The following PAK5 variants were observed in gnomAD, a reference collection of about 807,000 sequenced individuals.
PAK5 encodes the protein p21 (RAC1) activated kinase 5, also known as serine/threonine-protein kinase PAK 5.
Under a neutral mutation model 65.9 loss-of-function variants are expected in PAK5, and 16 were observed. The ratio of observed to expected loss-of-function variants is 0.24; its 90% CI spans 0.16 to 0.37. The LOEUF is 0.37. PAK5 is among the 10% of genes least tolerant of loss of function. PAK5 has a pLI of 1.00. For missense variants in PAK5, 785 were observed against 903.9 expected, an observed-to-expected ratio of 0.87 and a Z score of 1.69; for synonymous variants, 371 against 354.9, an observed-to-expected ratio of 1.05 and a Z score of -0.51.
chr20:9,544,557 T>C (rs1046047814), intron 7 of PAK5, 63 bp from the exon 8 acceptor site: 16 of 1,460,032 alleles, frequency 1.1e-5, no homozygotes, highest in Non-Finnish European at 1.3e-5. Context: ...GACACGAAAA[T>C]ACAAACATAC....
At chr20:9,743,636 G>T (rs1042657277) in intron 1 of PAK5, among the ~76,000 whole-genome samples, 11 of 152,124 alleles carry the variant, frequency 7.2e-5, no homozygotes, top group Admixed American at 7.2e-4. Context: ...CTTATGATTT[G>T]CTCATATTTT....
intron 3 of PAK5, among the ~76,000 whole-genome samples, chr20:9,621,178 T>C (rs2046761312): frequency 6.6e-6 from 1 of 151,608 alleles, no homozygotes; most frequent in Middle Eastern, 3.2e-3. Context: ...AGACATGAGG[T>C]TTAGACTGAC....
intron 1 of PAK5, among the ~76,000 whole-genome samples, chr20:9,808,725 G>T (rs189092080): frequency 1.5e-3 from 223 of 152,260 alleles, no homozygotes; most frequent in Non-Finnish European, 2.8e-3. Flanking sequence ...CTTGGAGTTT[G>T]GTGGGGTAGG....
intron 1 of PAK5, among the ~76,000 whole-genome samples, chr20:9,712,033 A>G (rs2048083290): frequency 1.3e-5 from 2 of 152,180 alleles, no homozygotes; most frequent in Non-Finnish European, 2.9e-5. Flanking sequence ...ACAGCACTGT[A>G]GCTTATGCCT....
chr20:9,773,699 A>T (rs997463869), intron 1 of PAK5, among the ~76,000 whole-genome samples: 1 of 152,204 alleles, frequency 6.6e-6, no homozygotes, highest in Admixed American at 6.5e-5. Flanking sequence ...TGTTCGCATA[A>T]TAGACGGCAG....
intron 2 of PAK5, among the ~76,000 whole-genome samples, chr20:9,686,755 A>T (rs906899200): frequency 6.6e-6 from 1 of 152,130 alleles, no homozygotes; most frequent in Non-Finnish European, 1.5e-5. Flanking sequence ...ACCACCTGGG[A>T]TGGATTCCCT....
intron 2 of PAK5, among the ~76,000 whole-genome samples, chr20:9,670,951 T>A (rs1173025272): frequency 2.6e-5 from 4 of 152,334 alleles, no homozygotes; most frequent in Non-Finnish European, 5.9e-5. Flanking sequence ...AATTTTTGTA[T>A]AAGGTGTAAG....
At chr20:9,814,461 C>G (rs902023759) in intron 1 of PAK5, among the ~76,000 whole-genome samples, 1 of 151,972 alleles carries the variant, frequency 6.6e-6, no homozygotes, top group Admixed American at 6.6e-5. Context: ...TTGACCAAGA[C>G]ACCAAGAATT....
At chr20:9,575,316 A>G (rs376944523) in intron 4 of PAK5, among the ~76,000 whole-genome samples, 137 of 152,236 alleles carry the variant, frequency 9.0e-4, no homozygotes, top group African/African-American at 3.1e-3. Flanking sequence ...TGGCCTCCCC[A>G]GTAGCTAGGG....
chr20:9,824,371 A>G (rs2049460258), intron 1 of PAK5, among the ~76,000 whole-genome samples: 3 of 152,158 alleles, frequency 2.0e-5, no homozygotes, highest in African/African-American at 7.2e-5. Context: ...CTGGGCAACA[A>G]AGTGAGGCCC....
At chr20:9,771,340 A>G (rs959833913) in intron 1 of PAK5, among the ~76,000 whole-genome samples, 3 of 152,124 alleles carry the variant, frequency 2.0e-5, no homozygotes, top group African/African-American at 4.8e-5. Flanking sequence ...ATGTCATTCA[A>G]CCTAACATAC....
Position 9,565,208 on chromosome 20 carries a change from T to C in PAK5, c.1482+685A>G, listed in dbSNP as rs940684445. On this transcript the variant is annotated intron_variant, in intron 5 of 9. Coordinates refer to ENST00000353224, the MANE Select transcript of PAK5 (RefSeq NM_177990.4). ...AAATTTAGAGAGTTACCAAACTACATATATAATTATCTCAAACAAAAGAAA... is the reference window on the plus strand; with the variant it reads ...AAATTTAGAGAGTTACCAAACTACACATATAATTATCTCAAACAAAAGAAA... Among the ~76,000 whole-genome samples, 3 of 152,118 alleles carry C rather than the reference T, an allele frequency of 2.0e-5. No homozygotes were observed. The South Asian group carries it at 6.2e-4, about 32-fold the overall frequency.
At chr20:9,778,984 C>T (rs1364759232) in intron 1 of PAK5, among the ~76,000 whole-genome samples, 1 of 152,078 alleles carries the variant, frequency 6.6e-6, no homozygotes, top group African/African-American at 2.4e-5. Flanking sequence ...TGTTCCTTTA[C>T]TTTTCTAGGT....
At chr20:9,759,828 C>G (rs930405197) in intron 1 of PAK5, among the ~76,000 whole-genome samples, 9 of 152,116 alleles carry the variant, frequency 5.9e-5, no homozygotes, top group African/African-American at 2.2e-4. Context: ...TATAAGACAC[C>G]AGCAGACTAT....
At chr20:9,805,768 G>T (rs958055506) in intron 1 of PAK5, among the ~76,000 whole-genome samples, 14 of 152,182 alleles carry the variant, frequency 9.2e-5, no homozygotes, top group African/African-American at 3.4e-4. Context: ...AATGGGCATA[G>T]AATTTCTTTT....
chr20:9,748,506 C>G (rs540937343), intron 1 of PAK5, among the ~76,000 whole-genome samples: 1 of 152,238 alleles, frequency 6.6e-6, no homozygotes, highest in African/African-American at 2.4e-5. Context: ...ATCAATGGAA[C>G]AGAACAGAGC....
chr20:9,751,463 C>T (rs1224552731), intron 1 of PAK5, among the ~76,000 whole-genome samples: 1 of 152,160 alleles, frequency 6.6e-6, no homozygotes, highest in Non-Finnish European at 1.5e-5. Flanking sequence ...ATCAAAAGCA[C>T]CTGATACCCA....
At chr20:9,723,730 G>A (rs769380290) in intron 1 of PAK5, among the ~76,000 whole-genome samples, 7 of 152,074 alleles carry the variant, frequency 4.6e-5, no homozygotes, top group Non-Finnish European at 7.4e-5. Context: ...GGTCACCCTG[G>A]GCAAAGGCAG....
chr20:9,804,982 A>T (rs2049214440), intron 1 of PAK5, among the ~76,000 whole-genome samples: 1 of 152,236 alleles, frequency 6.6e-6, no homozygotes, highest in Non-Finnish European at 1.5e-5. Flanking sequence ...ATTATATCTG[A>T]TAATGGTCTA....
Sources: allele counts gnomAD v4.1 joint callset (sites outside exome capture counted in the v4.1 genomes callset), GRCh38; gene constraint gnomAD v4.1.1; transcripts MANE v1.5; gene names NCBI Gene and HGNC (gene_info 2026-07-23, HGNC 2026-07-21).